Variants in RGS10 observed in about 807,000 individuals in gnomAD.
RGS10 encodes regulator of G protein signaling 10, also known as regulator of G-protein signalling 10.
In RGS10, 11 loss-of-function variants were observed where a neutral mutation model predicts 23.5. That is an observed-to-expected ratio of 0.47 (90% confidence interval 0.29 to 0.77). RGS10 has a LOEUF of 0.77. Among genes scored for constraint, RGS10 ranks in the 30% least tolerant of loss-of-function variants. RGS10 has a pLI of 0.08. For missense variants in RGS10, 180 were observed against 226.3 expected, an observed-to-expected ratio of 0.80 and a Z score of 1.31; for synonymous variants, 77 against 83.2, an observed-to-expected ratio of 0.92 and a Z score of 0.41.
chr10:119,520,776 A>C (rs941558689), intron 3 of RGS10, among the ~76,000 whole-genome samples: 3 of 150,170 alleles, frequency 2.0e-5, no homozygotes, highest in African/African-American at 7.4e-5. Context: ...ACTCAATAGG[A>C]GGATCTGAAG....
At chr10:119,514,305 C>G (rs936163478) in intron 4 of RGS10, among the ~76,000 whole-genome samples, 1 of 151,704 alleles carries the variant, frequency 6.6e-6, no homozygotes, top group South Asian at 2.1e-4. Flanking sequence ...GGCAGTGAGC[C>G]GAGATCGAGC....
At chr10:119,525,248 C>T (rs1294519137) in intron 3 of RGS10, among the ~76,000 whole-genome samples, 4 of 152,126 alleles carry the variant, frequency 2.6e-5, no homozygotes, top group Non-Finnish European at 2.9e-5. Context: ...AGTAAGCTGG[C>T]GGAGACGGAA....
At chr10:119,501,633 G>A (rs1344593021) in intron 4 of RGS10, among the ~76,000 whole-genome samples, 3 of 152,014 alleles carry the variant, frequency 2.0e-5, no homozygotes, top group Non-Finnish European at 2.9e-5. Flanking sequence ...TGAGGCCAAA[G>A]AATCACTTGA....
intron 4 of RGS10, among the ~76,000 whole-genome samples, chr10:119,513,519 A>G (rs1198128915): frequency 4.6e-5 from 7 of 151,862 alleles, no homozygotes; most frequent in African/African-American, 1.7e-4. Flanking sequence ...AGAAAAAAAA[A>G]ACAATCAGCC....
intron 1 of RGS10, among the ~76,000 whole-genome samples, chr10:119,537,442 G>A (rs1844400140): frequency 6.6e-6 from 1 of 151,432 alleles, no homozygotes; most frequent in Non-Finnish European, 1.5e-5. Context: ...ATATCCCATC[G>A]AAACTTTGCA....
chr10:119,501,338 AC>A (rs1384587979), intron 4 of RGS10, among the ~76,000 whole-genome samples: 1 of 152,154 alleles, frequency 6.6e-6, no homozygotes, highest in African/African-American at 2.4e-5. Context: ...AATGTCACTG[AC>A]TGCCAGGCGG....
intron 3 of RGS10, among the ~76,000 whole-genome samples, chr10:119,516,112 C>T (rs774267261): frequency 2.6e-5 from 4 of 151,984 alleles, no homozygotes; most frequent in African/African-American, 4.8e-5. Flanking sequence ...ATTAGCCAGG[C>T]GTGGTGGTGC....
chr10:119,512,103 GA>G (rs1844083507), intron 4 of RGS10, among the ~76,000 whole-genome samples: 1 of 151,600 alleles, frequency 6.6e-6, no homozygotes, highest in African/African-American at 2.4e-5. Context: ...TGCCCTACTA[GA>G]AGCTCAGAGA....
At chr10:119,519,904 C>CTACTG (rs1844193968) in intron 3 of RGS10, among the ~76,000 whole-genome samples, 3 of 152,236 alleles carry the variant, frequency 2.0e-5, no homozygotes, top group Non-Finnish European at 2.9e-5. Flanking sequence ...CTCCCCCAAG[C>CTACTG]TACTGACCCA....
chr10:119,530,258 T>C (rs1247260093), intron 1 of RGS10, among the ~76,000 whole-genome samples: 1 of 152,220 alleles, frequency 6.6e-6, no homozygotes, highest in Non-Finnish European at 1.5e-5. Context: ...TACTTAATAG[T>C]AACAGCTCCT....
chr10:119,506,626 T>G (rs991978237), intron 4 of RGS10, among the ~76,000 whole-genome samples: 1 of 152,230 alleles, frequency 6.6e-6, no homozygotes, highest in African/African-American at 2.4e-5. Context: ...CATTTTAATT[T>G]TGCCTTTTGC....
intron 1 of RGS10, among the ~76,000 whole-genome samples, chr10:119,529,870 G>A (rs1257884798): frequency 1.3e-5 from 2 of 152,192 alleles, no homozygotes; most frequent in Non-Finnish European, 2.9e-5. Flanking sequence ...GAGGCAGGCA[G>A]ATTGCAAGGT....
At chr10:119,540,228 T>G (rs1844424163) in intron 1 of RGS10, among the ~76,000 whole-genome samples, 1 of 152,110 alleles carries the variant, frequency 6.6e-6, no homozygotes, top group Non-Finnish European at 1.5e-5. Context: ...CCTTCCTTCC[T>G]TCCTTTTTTC....
intron 1 of RGS10, among the ~76,000 whole-genome samples, chr10:119,532,544 G>A (rs572222937): frequency 2.0e-5 from 3 of 152,138 alleles, no homozygotes; most frequent in East Asian, 1.9e-4. Flanking sequence ...GTGAAATCCC[G>A]TCTCCACAAA....
At chr10:119,514,456 G>A (rs1202151582) in intron 4 of RGS10, among the ~76,000 whole-genome samples, 2 of 151,994 alleles carry the variant, frequency 1.3e-5, no homozygotes, top group African/African-American at 4.8e-5. Flanking sequence ...TCAGGAGTTC[G>A]AGACTAGCCT....
intron 4 of RGS10, among the ~76,000 whole-genome samples, chr10:119,505,994 C>A (rs1261677639): frequency 5.9e-5 from 9 of 152,210 alleles, no homozygotes; most frequent in Admixed American, 5.9e-4. Flanking sequence ...ATATGAAAAT[C>A]GCTGAAAGAA....
In RGS10 at chr10:119,500,060, T is replaced by G; in HGVS notation, c.*53A>C. Reference sequence around the variant, plus strand: ...AGCAATGATAAACCCGGCACGGTCCTGAGAGGAAATTCCTTTGCTTCTTAA... The same window carrying G: ...AGCAATGATAAACCCGGCACGGTCCGGAGAGGAAATTCCTTTGCTTCTTAA... On this transcript the variant is annotated 3_prime_UTR_variant, in exon 5 of 5. Coordinates refer to ENST00000369103, the MANE Select transcript of RGS10 (RefSeq NM_001005339.2). The G allele has an allele frequency of 6.3e-7, 1 of 1,592,122 alleles. No homozygotes were observed. Among genetic ancestry groups the G allele is most frequent in the Non-Finnish European group, 8.6e-7 (1 of 1,168,468 alleles).
chr10:119,514,660 A>T lies in RGS10; in HGVS notation c.399+849T>A, dbSNP rs1404473930. Among the ~76,000 whole-genome samples, 107 of 93,034 alleles carry T rather than the reference A, an allele frequency of 1.2e-3. 1 individual carries two copies. Among genetic ancestry groups the T allele is most frequent in the African/African-American group, 6.0e-3 (102 of 17,060 alleles). The allele number at this position is 93,034 out of a possible 152,430, so 61.0% of individuals were successfully genotyped here. On this transcript the variant is annotated intron_variant, in intron 4 of 4. Coordinates refer to ENST00000369103, the MANE Select transcript of RGS10 (RefSeq NM_001005339.2). The stretch of plus-strand genomic sequence containing the variant: ...GAGACAGAGTAAGACTCGGTATTAA[A>T]AAAAAAAAAAAAAAAGAACAAAAAC...
intron 4 of RGS10, among the ~76,000 whole-genome samples, chr10:119,512,956 C>A (rs1410602996): frequency 1.3e-5 from 2 of 152,164 alleles, no homozygotes; most frequent in Admixed American, 1.3e-4. Flanking sequence ...TATTATTACA[C>A]TTATTAGGCC....
Sources: gnomAD v4.1 joint callset for allele counts (sites outside exome capture counted in the v4.1 genomes callset) on GRCh38, gnomAD v4.1.1 for gene constraint, MANE v1.5 for transcripts, NCBI Gene and HGNC (gene_info 2026-07-23, HGNC 2026-07-21) for gene names.